Variants in NKAIN3 observed in about 807,000 individuals in gnomAD.
NKAIN3 encodes the protein sodium/potassium-transporting ATPase subunit beta-1-interacting protein 3.
In NKAIN3, 25 loss-of-function variants were observed where a neutral mutation model predicts 30.2. The observed-to-expected ratio is 0.83, with a 90% CI of 0.60 to 1.16. NKAIN3 has a LOEUF of 1.16. Ranked by LOEUF, NKAIN3 falls within the 50% of genes most tolerant of loss-of-function variation. The pLI is 0.00. For synonymous variants in NKAIN3, 91 were observed against 89.6 expected (o/e 1.02, Z -0.09); for missense variants, 225 against 254.1 (o/e 0.89, Z 0.78).
chr8:62,505,116 C>A (rs888888815), intron 1 of NKAIN3, among the ~76,000 whole-genome samples: 1 of 152,040 alleles, frequency 6.6e-6, no homozygotes, highest in South Asian at 2.1e-4. Flanking sequence ...AAGGAAGAAC[C>A]AAGAAATGTA....
chr8:62,872,001 A>G lies in NKAIN3; in HGVS notation c.472-46452A>G, dbSNP rs371443473. Among the ~76,000 whole-genome samples, 21 of 152,372 alleles carry G rather than the reference A, an allele frequency of 1.4e-4. 1 individual carries two copies. In the East Asian group the frequency reaches 3.9e-3, roughly 28 times the overall value. Reference sequence around the variant, plus strand: ...AAACCACATATACAATGGTGGTTCCATGATATTATACTGCTATATTTTACT... The same window carrying G: ...AAACCACATATACAATGGTGGTTCCGTGATATTATACTGCTATATTTTACT... On this transcript the variant is annotated intron_variant, in intron 4 of 6. Transcript: ENST00000623646.
intron 1 of NKAIN3, among the ~76,000 whole-genome samples, chr8:62,315,237 A>G (rs1315687708): frequency 1.3e-5 from 2 of 152,204 alleles, no homozygotes; most frequent in Non-Finnish European, 2.9e-5. Context: ...AATTCATAGA[A>G]GGCTCTTATA....
chr8:62,310,767 G>T (rs1814402111), intron 1 of NKAIN3, among the ~76,000 whole-genome samples: 1 of 150,296 alleles, frequency 6.7e-6, no homozygotes, highest in Admixed American at 6.6e-5. Context: ...ATCTGAAATG[G>T]AGCTAGCTGG....
chr8:62,486,610 C>T (rs961749909), intron 1 of NKAIN3, among the ~76,000 whole-genome samples: 1 of 152,126 alleles, frequency 6.6e-6, no homozygotes, highest in African/African-American at 2.4e-5. Flanking sequence ...TATCCTTGAC[C>T]TAAGGCAATG....
intron 1 of NKAIN3, among the ~76,000 whole-genome samples, chr8:62,296,352 A>G (rs1353419097): frequency 6.6e-6 from 1 of 152,154 alleles, no homozygotes; most frequent in East Asian, 1.9e-4. Context: ...TGAATGTGTT[A>G]GTGTAGACTC....
intron 4 of NKAIN3, among the ~76,000 whole-genome samples, chr8:62,850,831 C>G (rs1418167255): frequency 6.6e-6 from 1 of 152,034 alleles, no homozygotes; most frequent in Non-Finnish European, 1.5e-5. Flanking sequence ...GTTTTGGTAC[C>G]AGTATCATGC....
intron 1 of NKAIN3, among the ~76,000 whole-genome samples, chr8:62,312,534 G>A (rs1049629202): frequency 2.7e-5 from 4 of 150,492 alleles, no homozygotes; most frequent in African/African-American, 7.5e-5. Flanking sequence ...AAGGTGTGGT[G>A]GGGCCAGGTG....
At chr8:62,463,686 G>C (rs1329590928) in intron 1 of NKAIN3, among the ~76,000 whole-genome samples, 1 of 152,006 alleles carries the variant, frequency 6.6e-6, no homozygotes, top group Non-Finnish European at 1.5e-5. Context: ...TCTCATCCAT[G>C]GGAAATATGT....
chr8:62,909,704 A>C (rs1445973388), intron 4 of NKAIN3, among the ~76,000 whole-genome samples: 1 of 152,120 alleles, frequency 6.6e-6, no homozygotes, highest in Non-Finnish European at 1.5e-5. Flanking sequence ...CAATAGCAAA[A>C]GTAATTTTTG....
chr8:62,407,430 C>CTTG (rs1329686173), intron 1 of NKAIN3, among the ~76,000 whole-genome samples: 7 of 2,060 alleles, frequency 3.4e-3, no homozygotes, highest in South Asian at 8.8e-3. Context: ...GAGACGGAGT[C>CTTG]TCGTGTCACC....
chr8:62,555,575 T>C (rs1809361905), intron 1 of NKAIN3, among the ~76,000 whole-genome samples: 1 of 151,832 alleles, frequency 6.6e-6, no homozygotes, highest in Admixed American at 6.6e-5. Context: ...TTAAGAGACA[T>C]GGGAATAGAA....
intron 4 of NKAIN3, among the ~76,000 whole-genome samples, chr8:62,914,412 G>A (rs146440362): frequency 1.9e-3 from 295 of 152,248 alleles, no homozygotes; most frequent in African/African-American, 6.7e-3. Flanking sequence ...TAATACCTGC[G>A]TGATGAAATA....
In NKAIN3 at chr8:62,955,712, T is replaced by G. The variant is rs554368452; in HGVS notation, c.603+1740T>G. 2.0e-5 allele frequency among the ~76,000 whole-genome samples: 3 copies of G among 152,334 alleles called. No individual in the cohort carries two copies. In the South Asian group the frequency reaches 6.2e-4, roughly 32 times the overall value. ...GTACCTATGTACCTCAAAAGGGTGT[T>G]CTGTGGCATGGCCCAGAGGCAAGTG... On this transcript the variant is annotated intron_variant, in intron 6 of 6. Transcript: ENST00000623646.
chr8:62,661,318 G>T lies in NKAIN3; in HGVS notation c.273+71524G>T, dbSNP rs1360477356. 4.6e-5 allele frequency among the ~76,000 whole-genome samples: 7 copies of T among 152,144 alleles called. No individual in the cohort carries two copies. In the East Asian group the frequency reaches 1.2e-3, roughly 25 times the overall value. ...TTTCTGTCTGTGCCACAGGCCACCT[G>T]CTTGTTTCCTCCTGAAACTTCTCTT... On this transcript the variant is annotated intron_variant, in intron 3 of 6. Transcript: ENST00000623646.
intron 1 of NKAIN3, among the ~76,000 whole-genome samples, chr8:62,412,141 G>A (rs921616095): frequency 6.6e-5 from 10 of 152,092 alleles, no homozygotes; most frequent in African/African-American, 2.2e-4. Context: ...CAAGGCCAAA[G>A]GCATCACACT....
chr8:62,740,871 G>T (rs1367901057), intron 3 of NKAIN3, among the ~76,000 whole-genome samples: 5 of 151,910 alleles, frequency 3.3e-5, no homozygotes, highest in Non-Finnish European at 5.9e-5. Context: ...TTAGGGAAAA[G>T]GTAGATACCA....
At chr8:62,265,224 C>T (rs1812567437) in intron 1 of NKAIN3, among the ~76,000 whole-genome samples, 1 of 152,212 alleles carries the variant, frequency 6.6e-6, no homozygotes, top group South Asian at 2.1e-4. Context: ...CTTTCTACTA[C>T]TTCTTTGCTT....
intron 4 of NKAIN3, among the ~76,000 whole-genome samples, chr8:62,813,275 A>G (rs1818552169): frequency 6.6e-6 from 1 of 151,972 alleles, no homozygotes; most frequent in African/African-American, 2.4e-5. Context: ...GAACTCTGTT[A>G]ATATAACGCC....
At chr8:62,734,693 A>G (rs1363487110) in intron 3 of NKAIN3, among the ~76,000 whole-genome samples, 2 of 152,242 alleles carry the variant, frequency 1.3e-5, no homozygotes, top group Non-Finnish European at 2.9e-5. Flanking sequence ...GTTTTGAGAA[A>G]AAGTCAGGAG....
Sources: allele counts gnomAD v4.1 joint callset (sites outside exome capture counted in the v4.1 genomes callset), GRCh38; gene constraint gnomAD v4.1.1; transcripts MANE v1.5; gene names NCBI Gene and HGNC (gene_info 2026-07-23, HGNC 2026-07-21).